The following KCTD1 variants were observed in gnomAD, a reference collection of about 807,000 sequenced individuals.
KCTD1 encodes the protein BTB/POZ domain-containing protein KCTD1.
A neutral mutation model predicts 66.0 loss-of-function variants in KCTD1; 24 were observed. The observed-to-expected ratio is 0.36, with a 90% confidence interval of 0.26 to 0.51. KCTD1 has a LOEUF of 0.51. KCTD1 is among the 20% of genes least tolerant of loss of function. The pLI is 0.95. For missense variants in KCTD1, 943 were observed against 1,205.2 expected, an observed-to-expected ratio of 0.78 and a Z score of 3.22; for synonymous variants, 511 against 517.2, an observed-to-expected ratio of 0.99 and a Z score of 0.16.
chr18:26,560,608 A>T (rs1182434672), intron 1 of KCTD1, among the ~76,000 whole-genome samples: 1 of 152,136 alleles, frequency 6.6e-6, no homozygotes, highest in East Asian at 1.9e-4. Flanking sequence ...ACCCATTCAC[A>T]CATGTCTATT....
rs550910224 is a variant in KCTD1 at position 26,540,284 on chromosome 18, T to C, written c.1809+6444A>G. ...CCCTTAGCATTCCTTTCTGAACTCC[T>C]CCTCTTGTTGCCTAGAGGCCTAGCA... is the stretch of plus-strand genomic sequence containing the variant. On this transcript the variant is annotated intron_variant, in intron 1 of 4. Transcript: ENST00000580059. 8.5e-4 allele frequency among the ~76,000 whole-genome samples: 130 copies of C among 152,332 alleles called. 1 individual carries two copies. Among genetic ancestry groups the C allele is most frequent in the Non-Finnish European group, 1.6e-3 (108 of 68,026 alleles).
At chr18:26,545,994 C>A (rs554522281) in intron 1 of KCTD1, among the ~76,000 whole-genome samples, 80 of 152,222 alleles carry the variant, frequency 5.3e-4, no homozygotes, top group African/African-American at 1.9e-3. Context: ...TATCTGCCCC[C>A]TAGATAGTGA....
chr18:26,459,737 T>C lies in KCTD1; in HGVS notation c.2322A>G (p.Glu774=). 6.2e-7 allele frequency: 1 copy of C among 1,614,160 alleles called. No individual in the cohort carries two copies. The highest frequency in any genetic ancestry group is 2.2e-5 in the East Asian group (1 of 44,878). Residue 774 remains glutamate, a synonymous_variant, in exon 4 of 5, where the codon GAA becomes GAG. Transcript: ENST00000580059. ...TCACGTCGCCGATCTCTGGAAATACTTCTTCTATCAAGGATTTGTCACCGC... is the reference window on the plus strand; with the variant it reads ...TCACGTCGCCGATCTCTGGAAATACCTCTTCTATCAAGGATTTGTCACCGC... ...TLSGDKSLIE[E]VFPEIGDVMC...
chr18:26,484,976 G>T (rs986482369), intron 2 of KCTD1, among the ~76,000 whole-genome samples: 3 of 152,184 alleles, frequency 2.0e-5, no homozygotes, highest in African/African-American at 7.2e-5. Flanking sequence ...TGACCTGAGC[G>T]GGGTAGATAA....
intron 1 of KCTD1, among the ~76,000 whole-genome samples, chr18:26,587,573 G>T (rs543331527): frequency 6.6e-6 from 1 of 152,232 alleles, no homozygotes; most frequent in Admixed American, 6.5e-5. Flanking sequence ...TGATGGATCT[G>T]GGCAAAGTAA....
In KCTD1 at chr18:26,535,116, G is replaced by GGGC. The variant is rs1305903654; in HGVS notation, c.1809+11611_1809+11612insGCC. Among the ~76,000 whole-genome samples the GGGC allele has an allele frequency of 9.4e-5, 13 of 138,590 alleles. No individual in the cohort carries two copies. In the East Asian group the frequency reaches 1.0e-3, roughly 11 times the overall value. The allele number at this position is 138,590 out of a possible 152,430, so 90.9% of individuals were successfully genotyped here. A position where few individuals can be genotyped will look rare whatever the true frequency, so the allele number is the denominator to read the frequency against. ...GGGAAAGGCCTGGGGTTGGGGGGTG[G>GGGC]GGGTGGAGCTGCCATCCTGTGCCAA... On this transcript the variant is annotated intron_variant, in intron 1 of 4. Coordinates refer to ENST00000580059, the MANE Select transcript of KCTD1 (RefSeq NM_001142730.3).
chr18:26,567,264 G>A (rs748703314), intron 1 of KCTD1, among the ~76,000 whole-genome samples: 2 of 152,138 alleles, frequency 1.3e-5, no homozygotes, highest in Non-Finnish European at 2.9e-5. Context: ...ATTTCTCAGT[G>A]TTTCAAGAAA....
rs187609320 is a variant in KCTD1 at position 26,481,876 on chromosome 18, C to T, written c.1989-5217G>A. On this transcript the variant is annotated intron_variant, in intron 2 of 4. Transcript: ENST00000580059. ...ATCTGTATTTTTTTTAAAAAAAACT[C>T]TCCAAGTCTCAACTGAGTTGAGAAC... Among the ~76,000 whole-genome samples the T allele has an allele frequency of 5.4e-3, 820 of 152,232 alleles. 8 individuals carry two copies. Among genetic ancestry groups the T allele is most frequent in the Non-Finnish European group, 7.7e-3 (526 of 68,012 alleles).
In KCTD1 at chr18:26,532,262, T is replaced by TTTC. The variant is rs1491134219; in HGVS notation, c.1809+14465_1809+14466insGAA. ...TTTTTCTTTTTCTTTTCTTTCCTTC[T>TTTC]TTTTTTTTTTTTTTTTTTTTTTTTT... On this transcript the variant is annotated intron_variant, in intron 1 of 4. Transcript: ENST00000580059. 3.2e-4 allele frequency among the ~76,000 whole-genome samples: 6 copies of TTTC among 18,522 alleles called. 1 individual carries two copies. The highest frequency in any genetic ancestry group is 7.1e-4 in the African/African-American group (5 of 7,048). 12.2% of individuals were successfully genotyped at this position (18,522 alleles called of 152,430 possible). A position where few individuals can be genotyped will look rare whatever the true frequency, so the allele number is the denominator to read the frequency against.
chr18:26,549,261 C>T, upstream of KCTD1: 2 of 986,368 alleles, frequency 2.0e-6, 1 homozygote, highest in South Asian at 9.2e-5. Flanking sequence ...CGGCGAGGCG[C>T]GGGGGCCTGG....
rs73407318 is a variant in KCTD1, at chr18:26,648,181, T to C, written c.9+9179A>G. Among the ~76,000 whole-genome samples the C allele has an allele frequency of 4.8e-3, 725 of 152,244 alleles. 9 individuals are homozygous for C. The highest frequency in any genetic ancestry group is 0.017 in the African/African-American group (692 of 41,530). ...TAGATCTTCTTACCTCTTCATCAAATGATGATGGTGACTCTTAGGAGGAGA... is the reference window on the plus strand; with the variant it reads ...TAGATCTTCTTACCTCTTCATCAAACGATGATGGTGACTCTTAGGAGGAGA... On this transcript the variant is annotated intron_variant, in intron 1 of 4. Transcript: ENST00000580191.
intron 1 of KCTD1, among the ~76,000 whole-genome samples, chr18:26,510,316 T>C (rs1349156084): frequency 6.6e-6 from 1 of 152,252 alleles, no homozygotes; most frequent in African/African-American, 2.4e-5. Context: ...TGAGCTGTAT[T>C]ACTTTTCCTT....
chr18:26,613,162 C>T (rs1420381309), intron 1 of KCTD1, among the ~76,000 whole-genome samples: 1 of 152,158 alleles, frequency 6.6e-6, no homozygotes, highest in African/African-American at 2.4e-5. Context: ...TTTTCGGACT[C>T]AGCACACTGA....
At chr18:26,604,452 A>G (rs995956081) in intron 1 of KCTD1, among the ~76,000 whole-genome samples, 2 of 152,238 alleles carry the variant, frequency 1.3e-5, no homozygotes, top group Admixed American at 6.5e-5. Context: ...ATAAAGACAC[A>G]TGCACACAAA....
In KCTD1 at chr18:26,547,253, C is replaced by T. The variant is rs1985288322; in HGVS notation, c.1284G>A (p.Lys428=). The change falls in exon 1 of 5, where the codon AAG becomes AAA. Residue 428 remains lysine, a synonymous_variant. Coordinates refer to ENST00000580059, the MANE Select transcript of KCTD1 (RefSeq NM_001142730.3). ...TCTGCATCCGAGTGCCTAGCAAGTTCTTGCCGATGGCTTTGTTCTCGTACC... is the reference window on the plus strand; with the variant it reads ...TCTGCATCCGAGTGCCTAGCAAGTTTTTGCCGATGGCTTTGTTCTCGTACC... The part of the protein sequence containing the change: ...VTWYENKAIG[K]NLLGTRMQML... 1 of 1,551,562 alleles carries T rather than the reference C, an allele frequency of 6.4e-7. No homozygotes were observed. Among genetic ancestry groups the T allele is most frequent in the African/African-American group, 1.4e-5 (1 of 73,070 alleles).
chr18:26,463,950 GACAAGAAA>G (rs1567955226), intron 3 of KCTD1, among the ~76,000 whole-genome samples: 6 of 152,208 alleles, frequency 3.9e-5, no homozygotes, highest in African/African-American at 1.4e-4. Context: ...AGGTACAGGG[GACAAGAAA>G]ACAGACATGG....
chr18:26,541,283 G>C (rs1437746756), intron 1 of KCTD1, among the ~76,000 whole-genome samples: 5 of 152,172 alleles, frequency 3.3e-5, no homozygotes, highest in African/African-American at 1.2e-4. Flanking sequence ...AATTCTCATT[G>C]GGGGTGAAAA....
intron 1 of KCTD1, among the ~76,000 whole-genome samples, chr18:26,576,839 T>C (rs930068729): frequency 1.3e-5 from 2 of 152,218 alleles, no homozygotes; most frequent in Non-Finnish European, 2.9e-5. Context: ...ATTATTAAAA[T>C]GTTCAATGCA....
intron 1 of KCTD1, among the ~76,000 whole-genome samples, chr18:26,588,297 A>AGGAAG (rs200190341): frequency 0.056 from 7,850 of 140,990 alleles, 260 homozygotes; most frequent in East Asian, 0.078. Flanking sequence ...AAAGAGGGAA[A>AGGAAG]GGAAGGGAAG....
Sources: gnomAD v4.1 joint callset for allele counts (sites outside exome capture counted in the v4.1 genomes callset) on GRCh38, gnomAD v4.1.1 for gene constraint, MANE v1.5 for transcripts, NCBI Gene and HGNC (gene_info 2026-07-23, HGNC 2026-07-21) for gene names.